The following TNFRSF10D variants were observed in gnomAD, a reference collection of about 807,000 sequenced individuals.
TNFRSF10D encodes the protein TNF receptor superfamily member 10d, also known as tumor necrosis factor receptor superfamily member 10D.
TNFRSF10D carries 28 observed loss-of-function variants against 42.1 expected under a neutral mutation model. That is an observed-to-expected ratio of 0.66 (90% CI 0.49 to 0.91). The LOEUF is 0.91. Ranked by LOEUF, TNFRSF10D falls within the 40% of genes least tolerant of loss-of-function variation. TNFRSF10D has a pLI of 0.00. For missense variants in TNFRSF10D, 503 were observed against 486.1 expected, an observed-to-expected ratio of 1.03 and a Z score of -0.33; for synonymous variants, 186 against 189.4, an observed-to-expected ratio of 0.98 and a Z score of 0.15.
intron 1 of TNFRSF10D, among the ~76,000 whole-genome samples, chr8:23,161,724 C>T (rs1263526545): frequency 3.8e-3 from 574 of 151,586 alleles, no homozygotes; most frequent in African/African-American, 0.012. Flanking sequence ...CCTAGACTAG[C>T]AACGAATGAA....
intron 3 of TNFRSF10D, 118 bp downstream of exon 3, chr8:23,148,320 G>A: frequency 1.7e-6 from 1 of 576,472 alleles, no homozygotes; most frequent in Non-Finnish European, 3.2e-6. Context: ...CATGGAACAG[G>A]GCATGATGAA....
At position 23,163,757 on chromosome 8, in the gene TNFRSF10D, C is replaced by T. The variant is rs183826830; in HGVS notation, c.150+29G>A. 2.0e-4 allele frequency: 319 copies of T among 1,603,696 alleles called. 3 individuals carry two copies. In the East Asian group the frequency reaches 5.6e-3, roughly 28 times the overall value. On this transcript the variant is annotated intron_variant, in intron 1 of 8. Coordinates refer to ENST00000312584, the MANE Select transcript of TNFRSF10D (RefSeq NM_003840.5). ...ACTCCCGGCGCCAGGTGCGCTCTTCCCCAGCCAGGGACCGCGGCGGAGACT... is the reference window on the plus strand; with the variant it reads ...ACTCCCGGCGCCAGGTGCGCTCTTCTCCAGCCAGGGACCGCGGCGGAGACT...
chr8:23,157,847 C>T (rs1182732382), intron 1 of TNFRSF10D, among the ~76,000 whole-genome samples: 1 of 152,158 alleles, frequency 6.6e-6, no homozygotes, highest in African/African-American at 2.4e-5. Context: ...GAGAGGGCTC[C>T]CCGCTTCTGA....
chr8:23,140,375 GACACACACACACACACAC>G (rs71546853), intron 7 of TNFRSF10D, among the ~76,000 whole-genome samples: 22 of 145,488 alleles, frequency 1.5e-4, no homozygotes, highest in African/African-American at 2.5e-4. Context: ...ATTTACAACA[GACACACACACACACACAC>G]ACACACACAC....
At chr8:23,144,016 G>C (rs1275757973) in intron 7 of TNFRSF10D, among the ~76,000 whole-genome samples, 2 of 152,188 alleles carry the variant, frequency 1.3e-5, no homozygotes, top group Non-Finnish European at 2.9e-5. Flanking sequence ...CTTCCCAGAA[G>C]CCTCCTTACA....
intron 8 of TNFRSF10D, 84 bp downstream of exon 8, chr8:23,138,104 G>A: frequency 6.2e-7 from 1 of 1,609,682 alleles, no homozygotes; most frequent in Non-Finnish European, 8.5e-7. Flanking sequence ...CTCCAGAAGA[G>A]CCCTCTCAGC....
Position 23,137,582 on chromosome 8 carries a change from G to T in TNFRSF10D, c.*288C>A. 3.9e-6 allele frequency: 1 copy of T among 254,922 alleles called. No homozygotes were observed. The highest frequency in any genetic ancestry group is 7.7e-5 in the South Asian group (1 of 12,912). 15.8% of individuals were successfully genotyped at this position (254,922 alleles called of 1,614,324 possible). ...AGCCTATCAAAGTGCTGGGATTACA[G>T]GCATGAGCCACCGCATGTGGCCTAA... On this transcript the variant is annotated 3_prime_UTR_variant, in exon 9 of 9. Coordinates refer to ENST00000312584, the MANE Select transcript of TNFRSF10D (RefSeq NM_003840.5).
chr8:23,155,315 T>C (rs1011012121), intron 1 of TNFRSF10D, among the ~76,000 whole-genome samples: 1 of 151,758 alleles, frequency 6.6e-6, no homozygotes, highest in African/African-American at 2.4e-5. Context: ...GGTGTGATCA[T>C]AGTCTACTAC....
intron 1 of TNFRSF10D, among the ~76,000 whole-genome samples, chr8:23,158,368 G>C (rs1425968336): frequency 6.6e-6 from 1 of 152,174 alleles, no homozygotes; most frequent in East Asian, 1.9e-4. Context: ...TACTGAGATA[G>C]CCACGGCAGT....
At chr8:23,155,849 G>GAC (rs529240653) in intron 1 of TNFRSF10D, among the ~76,000 whole-genome samples, 2 of 149,778 alleles carry the variant, frequency 1.3e-5, no homozygotes, top group East Asian at 2.0e-4. Flanking sequence ...CACACACACA[G>GAC]ACACACACAT....
At chr8:23,152,497 G>A (rs111399246) in intron 2 of TNFRSF10D, among the ~76,000 whole-genome samples, 8 of 152,288 alleles carry the variant, frequency 5.3e-5, no homozygotes, top group African/African-American at 1.9e-4. Flanking sequence ...GGGATGTGTT[G>A]GGTTTGGGGT....
chr8:23,138,752 TGG>T (rs1250718917), intron 7 of TNFRSF10D, among the ~76,000 whole-genome samples: 919 of 152,226 alleles, frequency 6.0e-3, no homozygotes, highest in African/African-American at 0.019. Flanking sequence ...TTAAATAAAA[TGG>T]CAGTCTCTAT....
intron 7 of TNFRSF10D, among the ~76,000 whole-genome samples, chr8:23,141,118 G>T (rs1471274070): frequency 2.6e-5 from 4 of 152,138 alleles, no homozygotes; most frequent in Non-Finnish European, 5.9e-5. Flanking sequence ...CCATGGCAAA[G>T]AATTTATGAT....
intron 7 of TNFRSF10D, among the ~76,000 whole-genome samples, chr8:23,141,456 G>A: frequency 6.7e-6 from 1 of 150,318 alleles, no homozygotes; most frequent in South Asian, 2.1e-4. Context: ...AGTGAGCTGA[G>A]ATCATGCCAC....
At chr8:23,154,543 A>G (rs1341423006) in intron 2 of TNFRSF10D, among the ~76,000 whole-genome samples, 4 of 150,152 alleles carry the variant, frequency 2.7e-5, no homozygotes, top group East Asian at 3.9e-4. Context: ...TTTTATTGAC[A>G]TGTTATCATT....
At chr8:23,148,370 A>G (rs1439306709) in intron 3 of TNFRSF10D, 68 bp downstream of exon 3, 2 of 1,282,300 alleles carry the variant, frequency 1.6e-6, no homozygotes, top group Non-Finnish European at 2.2e-6. Context: ...CCCGACTCAC[A>G]TCGGCTACAG....
intron 1 of TNFRSF10D, among the ~76,000 whole-genome samples, chr8:23,156,835 A>G (rs1328179215): frequency 5.1e-3 from 768 of 151,810 alleles, no homozygotes; most frequent in African/African-American, 0.016. Flanking sequence ...CCAAAGTACT[A>G]GGATTACAGG....
intron 1 of TNFRSF10D, among the ~76,000 whole-genome samples, chr8:23,161,916 C>T (rs371094893): frequency 2.0e-5 from 3 of 152,104 alleles, no homozygotes; most frequent in East Asian, 1.9e-4. Context: ...TAAGCTGGTG[C>T]GCATGGACAT....
chr8:23,161,642 C>A (rs10102977), intron 1 of TNFRSF10D, among the ~76,000 whole-genome samples: 1 of 152,110 alleles, frequency 6.6e-6, no homozygotes, highest in African/African-American at 2.4e-5. Context: ...CCAAAACTCC[C>A]GTATCCTTGA....
Sources: allele counts gnomAD v4.1 joint callset (sites outside exome capture counted in the v4.1 genomes callset), GRCh38; gene constraint gnomAD v4.1.1; transcripts MANE v1.5; gene names NCBI Gene and HGNC (gene_info 2026-07-23, HGNC 2026-07-21).